The following EHMT1 variants were observed in gnomAD, a reference collection of about 807,000 sequenced individuals.
EHMT1 encodes histone-lysine N-methyltransferase EHMT1.
Under a neutral mutation model 147.2 loss-of-function variants are expected in EHMT1, and 15 were observed. The observed-to-expected ratio is 0.10, with a 90% CI of 0.07 to 0.16. The LOEUF (loss-of-function observed/expected upper bound fraction) is 0.16. EHMT1 is among the 10% of genes least tolerant of loss of function. The pLI is 1.00. For synonymous variants in EHMT1, 795 were observed against 709.6 expected (o/e 1.12, Z -1.91); for missense variants, 1,587 against 1,772.4 (o/e 0.90, Z 1.88).
chr9:137,770,193 A>G lies in EHMT1; in HGVS notation c.1648-4916A>G, dbSNP rs946216132. ...TTTCTTTCTGGGATTCCTTGTACAC[A>G]CGTTAGATTGTTTGACATTGTCCCA... is the stretch of plus-strand genomic sequence containing the variant. On this transcript the variant is annotated intron_variant, in intron 10 of 26. Coordinates refer to ENST00000460843, the MANE Select transcript of EHMT1 (RefSeq NM_024757.5). Among the ~76,000 whole-genome samples the G allele has an allele frequency of 2.0e-5, 3 of 152,016 alleles. No individual in the cohort carries two copies. In the South Asian group the frequency reaches 6.2e-4, roughly 32 times the overall value.
At position 137,762,762 on chromosome 9, in the gene EHMT1, G is replaced by A. The variant is rs1022225753; in HGVS notation, c.1589G>A (p.Arg530Gln). The stretch of plus-strand genomic sequence containing the variant: ...TGCCGGATGGAAACACCGAAGAGTC[G>A]AGAGATCACCACACTGGCCAACAAC... The part of the protein sequence containing the change: ...CSCRMETPKS[R>Q]EITTLANNQC... Residue 530 changes from arginine (R) to glutamine (Q), a missense_variant, in exon 10 of 27, where the codon CGA (arginine) becomes CAA (glutamine). Arg to Gln is a conservative substitution (Grantham distance 43). Around this residue, in one of 7 missense-constraint regions of EHMT1, gnomAD observed 124 missense variants for 197.8 expected, o/e 0.63. Transcript: ENST00000460843. The A allele has an allele frequency of 4.3e-6, 7 of 1,614,084 alleles. No homozygotes were observed. The highest frequency in any genetic ancestry group is 2.2e-5 in the East Asian group (1 of 44,900).
At chr9:137,678,626 A>C (rs1346898878) in intron 1 of EHMT1, among the ~76,000 whole-genome samples, 2 of 151,928 alleles carry the variant, frequency 1.3e-5, no homozygotes, top group Non-Finnish European at 1.5e-5. Flanking sequence ...TGAACTCTCT[A>C]TATACCAGGT....
intron 16 of EHMT1, among the ~76,000 whole-genome samples, chr9:137,796,717 A>AAAAAAAAG (rs1952980772): frequency 6.6e-6 from 1 of 151,462 alleles, no homozygotes; most frequent in Admixed American, 6.6e-5. Flanking sequence ...AAAAAAAAAA[A>AAAAAAAAG]AAAGAAATGA....
intron 15 of EHMT1, chr9:137,788,359 C>T (rs1329257039): frequency 3.5e-5 from 12 of 338,860 alleles, no homozygotes; most frequent in African/African-American, 1.1e-4. Context: ...CCACCCGCAC[C>T]GCCTTCTGCC....
chr9:137,761,633 T>A (rs1949822616), intron 9 of EHMT1, among the ~76,000 whole-genome samples: 1 of 152,076 alleles, frequency 6.6e-6, no homozygotes, highest in South Asian at 2.1e-4. Context: ...TTGTATTTTT[T>A]TTTTTAGTAG....
chr9:137,664,267 A>G (rs1939389481), intron 1 of EHMT1, among the ~76,000 whole-genome samples: 1 of 151,518 alleles, frequency 6.6e-6, no homozygotes, highest in South Asian at 2.1e-4. Context: ...TTATTAAATG[A>G]GAATTGCCTG....
intron 18 of EHMT1, chr9:137,803,475 G>A (rs1048014484): frequency 4.1e-5 from 9 of 219,612 alleles, no homozygotes; most frequent in African/African-American, 1.6e-4. Flanking sequence ...TTTCCCTCGC[G>A]TCCTTAAGCC....
intron 1 of EHMT1, among the ~76,000 whole-genome samples, chr9:137,672,640 TAACC>T (rs538108110): frequency 1.8e-4 from 28 of 152,258 alleles, no homozygotes; most frequent in Admixed American, 7.2e-4. Context: ...TGCAGTGAAC[TAACC>T]AACCAACCAA....
At chr9:137,645,831 C>G (rs558929925) in intron 1 of EHMT1, among the ~76,000 whole-genome samples, 100 of 152,032 alleles carry the variant, frequency 6.6e-4, no homozygotes, top group Admixed American at 2.0e-4. Flanking sequence ...GAAATGCACA[C>G]TAGATTTCAG....
At chr9:137,817,785 G>A (rs554343511) in intron 24 of EHMT1, 100 of 625,966 alleles carry the variant, frequency 1.6e-4, no homozygotes, top group African/African-American at 1.4e-3. Flanking sequence ...TTAGGAAGGC[G>A]TGGTCCAGCA....
intron 4 of EHMT1, among the ~76,000 whole-genome samples, chr9:137,729,188 A>T (rs1292444298): frequency 6.6e-6 from 1 of 151,982 alleles, no homozygotes; most frequent in African/African-American, 2.4e-5. Flanking sequence ...AGCCCTCGTG[A>T]ATGCTGGGAG....
intron 15 of EHMT1, chr9:137,788,045 G>C (rs989779835): frequency 2.9e-6 from 4 of 1,363,308 alleles, no homozygotes; most frequent in Non-Finnish European, 4.0e-6. Flanking sequence ...TTGAGGGCCT[G>C]ATGGCTCCCG....
chr9:137,682,700 G>A (rs1430756882), intron 1 of EHMT1, among the ~76,000 whole-genome samples: 1 of 152,204 alleles, frequency 6.6e-6, no homozygotes. Flanking sequence ...CGCCTTCCCC[G>A]TGGGCGGTGA....
intron 16 of EHMT1, among the ~76,000 whole-genome samples, chr9:137,794,676 A>G (rs1952769366): frequency 6.6e-6 from 1 of 152,108 alleles, no homozygotes; most frequent in Non-Finnish European, 1.5e-5. Context: ...AAGCTAGAGA[A>G]AAACAGCACA....
At chr9:137,693,446 CAG>C (rs1943109483) in intron 1 of EHMT1, among the ~76,000 whole-genome samples, 1 of 152,114 alleles carries the variant, frequency 6.6e-6, no homozygotes, top group African/African-American at 2.4e-5. Flanking sequence ...GAAACGGGCA[CAG>C]AGAGGTTAAG....
In EHMT1 at chr9:137,757,969, C is replaced by G. The variant is rs1949508960; in HGVS notation, c.1459C>G (p.Leu487Val). Residue 487 changes from leucine to valine, a missense_variant, in exon 9 of 27, where the codon CTG (leucine) becomes GTG (valine). Physicochemically the swap from Leu to Val is conservative, Grantham distance 32. Transcript: ENST00000460843. ...GTACATGGAAGTTTCTCTGGACTCC[C>G]TGGATCTCCGAGTCAAAGGAATTCT... The part of the protein sequence containing the change: ...TGYMEVSLDS[L>V]DLRVKGILSS... The G allele has an allele frequency of 6.2e-7, 1 of 1,613,970 alleles. No individual in the cohort carries two copies. Among genetic ancestry groups the G allele is most frequent in the African/African-American group, 1.3e-5 (1 of 74,884 alleles).
At chr9:137,760,871 G>A (rs1294442327) in intron 9 of EHMT1, among the ~76,000 whole-genome samples, 3 of 152,352 alleles carry the variant, frequency 2.0e-5, no homozygotes, top group East Asian at 1.9e-4. Flanking sequence ...AGCCAGGCGT[G>A]GTGGCGGGCG....
At chr9:137,622,460 C>T (rs1842995458) in intron 1 of EHMT1, among the ~76,000 whole-genome samples, 1 of 152,172 alleles carries the variant, frequency 6.6e-6, no homozygotes, top group Non-Finnish European at 1.5e-5. Flanking sequence ...AGCCCACTTG[C>T]ATCTCTTGAG....
intron 1 of EHMT1, among the ~76,000 whole-genome samples, chr9:137,659,692 A>C (rs1443782072): frequency 6.6e-5 from 10 of 151,354 alleles, no homozygotes; most frequent in Middle Eastern, 3.4e-3. Context: ...AGCTGGGACC[A>C]CCTACTACTG....
Sources: gnomAD v4.1 joint callset for allele counts (sites outside exome capture counted in the v4.1 genomes callset) on GRCh38, gnomAD v4.1.1 for gene constraint, gnomAD v4.1.1 regional missense constraint, MANE v1.5 for transcripts, NCBI Gene and HGNC (gene_info 2026-07-23, HGNC 2026-07-21) for gene names.